The following RMC1 variants were observed in gnomAD, a reference collection of about 807,000 sequenced individuals.
RMC1 encodes regulator of MON1-CCZ1, also known as regulator of MON1-CCZ1 complex.
A neutral mutation model predicts 95.5 loss-of-function variants in RMC1; 44 were observed. That is an observed-to-expected ratio of 0.46 (90% CI 0.36 to 0.59). The LOEUF is 0.59. Ranked by LOEUF, RMC1 falls within the 20% of genes least tolerant of loss-of-function variation. The pLI, the probability that RMC1 is intolerant of heterozygous loss-of-function variation, is 0.00. For synonymous variants in RMC1, 320 were observed against 303.6 expected, an observed-to-expected ratio of 1.05 and a Z score of -0.56; for missense variants, 705 against 819.6, an observed-to-expected ratio of 0.86 and a Z score of 1.71.
rs2058462194 is a variant in RMC1 at position 23,530,561 on chromosome 18, T to C, written c.1843T>C (p.Phe615Leu). Residue 615 changes from phenylalanine to leucine, a missense_variant, in exon 19 of 20, where the codon TTT becomes CTT. Phe to Leu is a conservative substitution (Grantham distance 22). Transcript: ENST00000269221. Reference protein sequence around the residue: ...DNMLFYTIFRFFEQRNQRLRG... With the variant: ...DNMLFYTIFRLFEQRNQRLRG... ...CATGCTTTTCTATACAATATTCCGC[T>C]TTTTTGAACAGCGAAACCAGCGTTT... 1 of 1,614,020 alleles carries C rather than the reference T, an allele frequency of 6.2e-7. No individual in the cohort carries two copies. Among genetic ancestry groups the C allele is most frequent in the South Asian group, 1.1e-5 (1 of 91,064 alleles).
At chr18:23,523,321 C>T (rs1337862645) in intron 10 of RMC1, among the ~76,000 whole-genome samples, 27 of 152,024 alleles carry the variant, frequency 1.8e-4, no homozygotes, top group Admixed American at 1.6e-3. Flanking sequence ...TGGTTGTTAA[C>T]GGTCCCTGTC....
chr18:23,503,714 C>A lies in RMC1; in HGVS notation c.96C>A (p.Asn32Lys), dbSNP rs1336710154. ...ACTGCGTCTTCTTCGATGAGGCCAA[C>A]AAGCAGGTCCGGCGCGCCCGCGCTT... is the stretch of plus-strand genomic sequence containing the variant. ...PVNCVFFDEA[N>K]KQVFAVRSGG... Residue 32 changes from asparagine (N) to lysine (K), a missense_variant, in exon 1 of 20, where the codon AAC becomes AAA. Coordinates refer to ENST00000269221, the MANE Select transcript of RMC1 (RefSeq NM_013326.5). 9.4e-6 allele frequency: 15 copies of A among 1,588,130 alleles called. No homozygotes were observed. Among genetic ancestry groups the A allele is most frequent in the Non-Finnish European group, 1.2e-5 (14 of 1,168,194 alleles).
intron 2 of RMC1, chr18:23,506,683 C>T (rs930661079): frequency 6.1e-5 from 17 of 280,182 alleles, no homozygotes; most frequent in African/African-American, 3.2e-4. Flanking sequence ...GGCTCCTGAG[C>T]GGGTCTATAG....
In RMC1 at chr18:23,504,439, C is replaced by G. The variant is rs925318441; in HGVS notation, c.171C>G (p.Ile57Met). 1 of 1,612,462 alleles carries G rather than the reference C, an allele frequency of 6.2e-7. No individual in the cohort carries two copies. Among genetic ancestry groups the G allele is most frequent in the Non-Finnish European group, 8.5e-7 (1 of 1,178,452 alleles). ...AAGGCCCAGATGATAGGAATCCCAT[C>G]TCATTTAGGTAATGGTATAGACACT... ...VVKGPDDRNP[I>M]SFRMDDKGEV... The change falls in exon 2 of 20, where the codon ATC (isoleucine) becomes ATG (methionine). Residue 57 changes from isoleucine to methionine, a missense_variant. Physicochemically the swap from Ile to Met is conservative, Grantham distance 10. Transcript: ENST00000269221.
At chr18:23,503,800 GCCCGAGCGTCCCCTCCTGTCCTGTCCCGT>G (rs1431862165) in intron 1 of RMC1, 80 bp downstream of exon 1, 1 of 1,238,850 alleles carries the variant, frequency 8.1e-7, no homozygotes, top group Non-Finnish European at 1.1e-6. Context: ...GCGCGACCAG[GCCCGAGCGTCCCCTCCTGTCCTGTCCCGT>G]CCCGTCCCAG....
chr18:23,518,937 C>G lies in RMC1; in HGVS notation c.701C>G (p.Ser234Cys), dbSNP rs1365785221. 1.2e-6 allele frequency: 2 copies of G among 1,614,048 alleles called. No homozygotes were observed. Among genetic ancestry groups the G allele is most frequent in the Admixed American group, 3.3e-5 (2 of 60,000 alleles). ...TTCTTGAGGCATCATTCTCGGACCT[C>G]CAACAGCACAGGAGCGGAGGTGGTC... ...VLFLRHHSRT[S>C]NSTGAEVVLY... Residue 234 changes from serine (S) to cysteine (C), a missense_variant, in exon 8 of 20, where the codon TCC becomes TGC. Transcript: ENST00000269221.
At chr18:23,504,098 C>T (rs2057656971) in intron 1 of RMC1, among the ~76,000 whole-genome samples, 1 of 152,204 alleles carries the variant, frequency 6.6e-6, no homozygotes, top group African/African-American at 2.4e-5. Flanking sequence ...AAAGACTGTA[C>T]TTCAGGCGTA....
At chr18:23,508,433 C>T (rs2057766983) in intron 4 of RMC1, among the ~76,000 whole-genome samples, 1 of 152,126 alleles carries the variant, frequency 6.6e-6, no homozygotes, top group Non-Finnish European at 1.5e-5. Flanking sequence ...CCTGAAGTTT[C>T]CTTTCCTCAA....
At chr18:23,528,027 C>T (rs2058358499) in intron 14 of RMC1, 126 bp downstream of exon 14, 1 of 777,348 alleles carries the variant, frequency 1.3e-6, no homozygotes, top group Non-Finnish European at 2.0e-6. Context: ...TGCCGCCTGC[C>T]ATAGGGCAAG....
chr18:23,519,111 G>C lies in RMC1; in HGVS notation c.786G>C (p.Arg262Ser). The C allele has an allele frequency of 1.9e-6, 3 of 1,614,166 alleles. No individual in the cohort carries two copies. The highest frequency in any genetic ancestry group is 2.5e-6 in the Non-Finnish European group (3 of 1,180,032). Residue 262 changes from arginine to serine, a missense_variant, in exon 9 of 20, where the codon AGG becomes AGC. Physicochemically the swap from Arg to Ser is moderately radical, Grantham distance 110. Coordinates refer to ENST00000269221, the MANE Select transcript of RMC1 (RefSeq NM_013326.5). ...AGATGCACATATTGAAGTTAAATAG[G>C]ACGGGAAAGTTTGCCCTGAACGTGG... ...CKKMHILKLN[R>S]TGKFALNVVD...
At chr18:23,503,501 C>T (rs558313002), upstream of RMC1, 515 of 553,750 alleles carry the variant, frequency 9.3e-4, 3 homozygotes, top group African/African-American at 9.5e-3. Flanking sequence ...GCGGCGTCCG[C>T]GCCGGGCCCA....
At chr18:23,519,384 A>C (rs940607685) in intron 9 of RMC1, among the ~76,000 whole-genome samples, 2 of 152,004 alleles carry the variant, frequency 1.3e-5, no homozygotes, top group Admixed American at 1.3e-4. Flanking sequence ...CGGGCGTGGT[A>C]GTGCACGCCT....
At chr18:23,514,789 AAAAG>A (rs1253223221) in intron 5 of RMC1, among the ~76,000 whole-genome samples, 1 of 152,138 alleles carries the variant, frequency 6.6e-6, no homozygotes, top group Non-Finnish European at 1.5e-5. Flanking sequence ...AAAAAAGTTA[AAAAG>A]AAAGAAGACT....
intron 2 of RMC1, chr18:23,504,772 G>A (rs1371629206): frequency 1.8e-5 from 4 of 223,936 alleles, no homozygotes; most frequent in Non-Finnish European, 3.6e-5. Context: ...CATTTCTTTA[G>A]CCCAGGTCTT....
At chr18:23,515,120 G>C (rs2057965488) in intron 5 of RMC1, among the ~76,000 whole-genome samples, 2 of 152,112 alleles carry the variant, frequency 1.3e-5, no homozygotes, top group African/African-American at 4.8e-5. Context: ...TAACACATGG[G>C]GTCCTGGAGG....
rs1177385524 is a variant in RMC1, at chr18:23,503,712, A to C, written c.94A>C (p.Asn32His). 1.9e-6 allele frequency: 3 copies of C among 1,588,420 alleles called. No individual in the cohort carries two copies. The highest frequency in any genetic ancestry group is 1.7e-5 in the Admixed American group (1 of 57,726). The change falls in exon 1 of 20, where the codon AAC becomes CAC. Residue 32 changes from asparagine (N) to histidine (H), a missense_variant. Asn to His is a moderately conservative substitution (Grantham distance 68). Transcript: ENST00000269221. ...PVNCVFFDEA[N>H]KQVFAVRSGG... ...CAACTGCGTCTTCTTCGATGAGGCC[A>C]ACAAGCAGGTCCGGCGCGCCCGCGC...
intron 5 of RMC1, among the ~76,000 whole-genome samples, chr18:23,509,918 G>A (rs953304120): frequency 6.6e-6 from 1 of 150,554 alleles, no homozygotes; most frequent in African/African-American, 2.4e-5. Flanking sequence ...CCAGGCTGGT[G>A]TCAAACTCCT....
intron 5 of RMC1, 126 bp from the exon 6 acceptor site, chr18:23,515,730 A>C: frequency 2.8e-6 from 3 of 1,063,906 alleles, no homozygotes; most frequent in South Asian, 1.4e-5. Context: ...ATGGGGTTTT[A>C]CCATTTTGTC....
intron 15 of RMC1, 137 bp from the exon 16 acceptor site, chr18:23,529,498 C>A (rs140603233): frequency 3.2e-6 from 4 of 1,238,030 alleles, no homozygotes; most frequent in South Asian, 1.4e-5. Context: ...GGTTCTGGAG[C>A]GATGTGTGCA....
Sources: allele counts gnomAD v4.1 joint callset (sites outside exome capture counted in the v4.1 genomes callset), GRCh38; gene constraint gnomAD v4.1.1; transcripts MANE v1.5; gene names NCBI Gene and HGNC (gene_info 2026-07-23, HGNC 2026-07-21).